Variants in ADORA2A observed in about 807,000 individuals in gnomAD.
ADORA2A encodes the protein adenosine A2a receptor.
In ADORA2A, 11 loss-of-function variants were observed where a neutral mutation model predicts 18.4. The ratio of observed to expected loss-of-function variants is 0.60; its 90% confidence interval spans 0.38 to 0.99. ADORA2A has a LOEUF of 0.99. Among genes scored for constraint, ADORA2A ranks in the 50% least tolerant of loss-of-function variants. The probability of loss-of-function intolerance (pLI) is 0.01; values close to 1 mark genes in which losing one functional copy is unlikely to be tolerated. For synonymous variants in ADORA2A, 218 were observed against 237.3 expected, an observed-to-expected ratio of 0.92 and a Z score of 0.75; for missense variants, 449 against 556.1, an observed-to-expected ratio of 0.81 and a Z score of 1.94.
upstream of ADORA2A, among the ~76,000 whole-genome samples, chr22:24,426,274 GGTCT>G (rs1276120786): frequency 2.0e-5 from 3 of 152,182 alleles, no homozygotes; most frequent in East Asian, 5.8e-4. Flanking sequence ...GTGTTTGCGG[GGTCT>G]GTCTTGTCTA....
chr22:24,440,502 G>A, intron 2 of ADORA2A, 81 bp from the exon 3 acceptor site: 1 of 1,366,568 alleles, frequency 7.3e-7, no homozygotes, highest in Non-Finnish European at 1.0e-6. Context: ...TGTGGAAACG[G>A]GTGCTGCTCT....
chr22:24,435,603 GC>G (rs1194044811), intron 2 of ADORA2A, among the ~76,000 whole-genome samples: 1 of 152,166 alleles, frequency 6.6e-6, no homozygotes, highest in Non-Finnish European at 1.5e-5. Flanking sequence ...CTCTCTCTGG[GC>G]CCATTTCCTC....
intron 2 of ADORA2A, chr22:24,439,273 A>G (rs915134492): frequency 6.6e-6 from 1 of 151,350 alleles, no homozygotes; most frequent in Admixed American, 6.6e-5. Context: ...TAGTAGAGAC[A>G]AGGTTTCTCC....
chr22:24,430,826 C>T (rs900334420), intron 1 of ADORA2A: 3 of 337,332 alleles, frequency 8.9e-6, no homozygotes, highest in South Asian at 2.3e-5. Flanking sequence ...TAGAGAGGGC[C>T]GTGGTGGGAG....
Position 24,441,573 on chromosome 22 carries a change from G to C in ADORA2A, c.*84G>C. 1 of 1,361,868 alleles carries C rather than the reference G, an allele frequency of 7.3e-7. No individual in the cohort carries two copies. The highest frequency in any genetic ancestry group is 9.6e-7 in the Non-Finnish European group (1 of 1,042,498). 84.4% of individuals were successfully genotyped at this position (1,361,868 alleles called of 1,614,324 possible). A position where few individuals can be genotyped will look rare whatever the true frequency, so the allele number is the denominator to read the frequency against. On this transcript the variant is annotated 3_prime_UTR_variant, in exon 3 of 3. Coordinates refer to ENST00000337539, the MANE Select transcript of ADORA2A (RefSeq NM_000675.6). Reference sequence around the variant, plus strand: ...TGACCAGTCACGTTGGGAGAAGAGAGAGAGTGCCAGGAGACCCTGAGGGCA... The same window carrying C: ...TGACCAGTCACGTTGGGAGAAGAGACAGAGTGCCAGGAGACCCTGAGGGCA...
intron 1 of ADORA2A, chr22:24,431,110 G>A (rs1436757861): frequency 4.4e-6 from 2 of 456,696 alleles, no homozygotes; most frequent in East Asian, 1.4e-4. Flanking sequence ...GGCCAGGGAT[G>A]GTGCCAGGAG....
intron 1 of ADORA2A, among the ~76,000 whole-genome samples, chr22:24,428,617 T>C (rs2042955700): frequency 6.6e-6 from 1 of 152,248 alleles, no homozygotes; most frequent in South Asian, 2.1e-4. Flanking sequence ...TAGATTACTG[T>C]ATTACCTTCC....
At chr22:24,431,024 A>G (rs768979309) in intron 1 of ADORA2A, 3 of 411,532 alleles carry the variant, frequency 7.3e-6, no homozygotes, top group South Asian at 5.3e-5. Context: ...GGCTATCGTG[A>G]GTCAGGTGGG....
At chr22:24,433,005 T>G (rs2146887515) in intron 1 of ADORA2A, 126 bp from the exon 2 acceptor site, 1 of 252,864 alleles carries the variant, frequency 4.0e-6, no homozygotes, top group Non-Finnish European at 7.8e-6. Flanking sequence ...ACACCTGGCC[T>G]GTGGGTAGGG....
chr22:24,440,256 C>T (rs2043303262), intron 2 of ADORA2A, among the ~76,000 whole-genome samples: 1 of 152,176 alleles, frequency 6.6e-6, no homozygotes, highest in South Asian at 2.1e-4. Context: ...TGTTTTCCCC[C>T]TCAAAAAATC....
At chr22:24,434,329 C>T (rs2043121980) in intron 2 of ADORA2A, among the ~76,000 whole-genome samples, 1 of 152,192 alleles carries the variant, frequency 6.6e-6, no homozygotes, top group Non-Finnish European at 1.5e-5. Flanking sequence ...TTCTGTTGCT[C>T]CTCAAGTCAC....
In ADORA2A at chr22:24,440,866, C is replaced by T. The variant is rs761339165; in HGVS notation, c.616C>T (p.Arg206Ter). Reference sequence around the variant, plus strand: ...TTTGCGGATCTTCCTGGCGGCGCGACGACAGCTGAAGCAGATGGAGAGCCA... The same window carrying T: ...TTTGCGGATCTTCCTGGCGGCGCGATGACAGCTGAAGCAGATGGAGAGCCA... ...VYLRIFLAAR[R>*]QLKQMESQPL... Residue 206 changes from arginine to a stop codon, truncating the protein, a stop_gained, in exon 3 of 3, where the codon CGA (arginine) becomes TGA (stop). Transcript: ENST00000337539. LOFTEE classifies it high-confidence loss of function. 1.2e-5 allele frequency: 19 copies of T among 1,614,148 alleles called. No homozygotes were observed. The highest frequency in any genetic ancestry group is 2.2e-5 in the South Asian group (2 of 91,070).
At chr22:24,434,131 C>T (rs771662387) in intron 2 of ADORA2A, among the ~76,000 whole-genome samples, 1 of 152,188 alleles carries the variant, frequency 6.6e-6, no homozygotes, top group Non-Finnish European at 1.5e-5. Flanking sequence ...CAAAACTTCC[C>T]GGATGATGCT....
In ADORA2A at chr22:24,433,859, G is replaced by A. The variant is rs982092975; in HGVS notation, c.332+123G>A. 1.8e-5 allele frequency: 22 copies of A among 1,235,434 alleles called. 1 individual carries two copies. Among genetic ancestry groups the A allele is most frequent in the Non-Finnish European group, 2.3e-5 (21 of 907,766 alleles). The allele number at this position is 1,235,434 out of a possible 1,614,324, so 76.5% of individuals were successfully genotyped here. On this transcript the variant is annotated intron_variant, in intron 2 of 2. Transcript: ENST00000337539. ...TGCAGTGTCAGCATGGTGAGCTGGC[G>A]ACGGGGCCCCAGGCTCAGCAGGGGC...
Position 24,433,536 on chromosome 22 carries a change from T to C in ADORA2A, c.132T>C (p.Phe44=). The change falls in exon 2 of 3, where the codon TTT becomes TTC. Residue 44 remains phenylalanine (F), a synonymous_variant. Transcript: ENST00000337539. ...NSNLQNVTNY[F]VVSLAAADIA... The stretch of plus-strand genomic sequence containing the variant: ...ACCTGCAGAACGTCACCAACTACTT[T>C]GTGGTGTCACTGGCGGCGGCCGACA... 6.2e-7 allele frequency: 1 copy of C among 1,614,200 alleles called. No individual in the cohort carries two copies. Among genetic ancestry groups the C allele is most frequent in the Non-Finnish European group, 8.5e-7 (1 of 1,180,034 alleles).
intron 2 of ADORA2A, among the ~76,000 whole-genome samples, chr22:24,436,294 C>T (rs2043176267): frequency 6.6e-6 from 1 of 152,218 alleles, no homozygotes; most frequent in Admixed American, 6.5e-5. Flanking sequence ...CTCCTCCTTT[C>T]TCAGCTGGGA....
chr22:24,431,703 T>A (rs1181377840), intron 1 of ADORA2A: 2 of 354,876 alleles, frequency 5.6e-6, no homozygotes, highest in African/African-American at 4.3e-5. Flanking sequence ...GGGGTAGATT[T>A]GGGGGCCTCT....
intron 2 of ADORA2A, among the ~76,000 whole-genome samples, chr22:24,436,843 G>T (rs1364044756): frequency 6.6e-6 from 1 of 152,146 alleles, no homozygotes; most frequent in African/African-American, 2.4e-5. Flanking sequence ...TGTGTCAGGA[G>T]GGGGGCAAAG....
chr22:24,423,925 C>T (rs1016802095), upstream of ADORA2A: 1 of 151,634 alleles, frequency 6.6e-6, no homozygotes, highest in African/African-American at 2.4e-5. Context: ...CCAGCGGCCG[C>T]CGAGACAGCG....
Sources: gnomAD v4.1 joint callset for allele counts (sites outside exome capture counted in the v4.1 genomes callset) on GRCh38, gnomAD v4.1.1 for gene constraint, MANE v1.5 for transcripts, NCBI Gene and HGNC (gene_info 2026-07-23, HGNC 2026-07-21) for gene names.